The following ZNF875 variants were observed in gnomAD, a reference collection of about 807,000 sequenced individuals.
ZNF875 encodes the protein zinc finger protein 875.
Under a neutral mutation model 11.2 loss-of-function variants are expected in ZNF875, and 14 were observed. That is an observed-to-expected ratio of 1.26 (90% confidence interval 0.83 to 1.96). ZNF875 has a LOEUF of 1.96. ZNF875 is among the 30% of genes most tolerant of loss of function. The pLI, the probability that ZNF875 is intolerant of heterozygous loss-of-function variation, is 0.00. For missense variants in ZNF875, 752 were observed against 760.4 expected (o/e 0.99, Z 0.13); for synonymous variants, 301 against 281.1 (o/e 1.07, Z -0.71).
At chr19:37,329,772 A>T (rs564557416), upstream of ZNF875, among the ~76,000 whole-genome samples, 12 of 152,306 alleles carry the variant, frequency 7.9e-5, no homozygotes, top group South Asian at 2.5e-3. Context: ...TCAGTGGACT[A>T]CAGTGTGGTA....
In ZNF875 at chr19:37,362,281, G is replaced by A; in HGVS notation, c.429G>A (p.Gln143=). 1 of 1,614,140 alleles carries A rather than the reference G, an allele frequency of 6.2e-7. No homozygotes were observed. Among genetic ancestry groups the A allele is most frequent in the African/African-American group, 1.3e-5 (1 of 75,032 alleles). ...KHYPEDQKQQ[Q]DPFCFSGKAE... Reference sequence around the variant, plus strand: ...ATCCAGAAGATCAGAAACAACAGCAGGATCCATTCTGCTTTAGTGGCAAAG... The same window carrying A: ...ATCCAGAAGATCAGAAACAACAGCAAGATCCATTCTGCTTTAGTGGCAAAG... The change falls in exon 5 of 5, where the codon CAG becomes CAA. Residue 143 remains glutamine (Q), a synonymous_variant. Coordinates refer to ENST00000392153, the MANE Select transcript of ZNF875 (RefSeq NM_001353803.2).
intron 4 of ZNF875, among the ~76,000 whole-genome samples, chr19:37,352,874 CTTTTTTTT>C (rs60469285): frequency 5.7e-5 from 5 of 87,766 alleles, no homozygotes; most frequent in Non-Finnish European, 6.9e-5. Flanking sequence ...ATTCTTTTTT[CTTTTTTTT>C]TTTTTTTTTT....
chr19:37,322,640 T>C (rs1203628019), intron 2 of ZNF875, among the ~76,000 whole-genome samples: 1 of 152,220 alleles, frequency 6.6e-6, no homozygotes, highest in African/African-American at 2.4e-5. Context: ...CCAGGGTGGC[T>C]GATTTCCAGG....
intron 4 of ZNF875, among the ~76,000 whole-genome samples, chr19:37,353,207 T>C (rs1276264698): frequency 6.6e-6 from 1 of 152,218 alleles, no homozygotes; most frequent in Non-Finnish European, 1.5e-5. Flanking sequence ...TTCTCTCAGC[T>C]ATCTAGCTAT....
intron 2 of ZNF875, among the ~76,000 whole-genome samples, chr19:37,340,869 C>T (rs573079337): frequency 3.3e-5 from 5 of 151,946 alleles, no homozygotes; most frequent in Non-Finnish European, 4.4e-5. Context: ...AGGATGGTCT[C>T]GATCTCCTGA....
chr19:37,347,412 A>C, intron 3 of ZNF875, 96 bp downstream of exon 3: 3 of 1,213,134 alleles, frequency 2.5e-6, no homozygotes, highest in Non-Finnish European at 3.5e-6. Context: ...TTTCCCTTAG[A>C]GTTGAGCTTG....
At chr19:37,334,529 T>G (rs993456740), upstream of ZNF875, 6 of 363,534 alleles carry the variant, frequency 1.7e-5, no homozygotes, top group Middle Eastern at 6.6e-4. Context: ...AGTCACCCTG[T>G]GTGGTGGGCA....
chr19:37,321,270 G>C (rs1042266193), intron 1 of ZNF875, among the ~76,000 whole-genome samples: 3 of 152,132 alleles, frequency 2.0e-5, no homozygotes, highest in Non-Finnish European at 2.9e-5. Flanking sequence ...TAAGAGGAAG[G>C]CATCTGTCTC....
chr19:37,339,628 G>A (rs1411141287), intron 2 of ZNF875, among the ~76,000 whole-genome samples: 2 of 140,422 alleles, frequency 1.4e-5, no homozygotes, highest in African/African-American at 2.7e-5. Flanking sequence ...TGGTGCAATC[G>A]ATCTCGCCTC....
rs61749080 is a variant in ZNF875, at chr19:37,335,228, G to A, written c.4G>A (p.Ala2Thr). The stretch of plus-strand genomic sequence containing the variant: ...GAGCACTCAGGAGACCAGGAAAATG[G>A]CCACAGGGCTCCTGAGAGCCAAAAA... M[A>T]TGLLRAKKEA... The change falls in exon 2 of 5, where the codon GCC becomes ACC. Residue 2 changes from alanine to threonine, a missense_variant. Transcript: ENST00000392153. 1,539 of 702,342 alleles carry A rather than the reference G, an allele frequency of 2.2e-3. 17 individuals are homozygous for A. The highest frequency in any genetic ancestry group is 0.017 in the African/African-American group (960 of 57,342). The allele number at this position is 702,342 out of a possible 1,614,324, so 43.5% of individuals were successfully genotyped here.
chr19:37,362,754 A>T lies in ZNF875; in HGVS notation c.902A>T (p.Gln301Leu). 1 of 1,613,868 alleles carries T rather than the reference A, an allele frequency of 6.2e-7. No individual in the cohort carries two copies. ...FTWKSNLITH[Q>L]RTHSGEKPYV... is the part of the protein sequence containing the mutation. The stretch of plus-strand genomic sequence containing the variant: ...TGGAAGTCAAACCTGATCACACATC[A>T]GAGGACACACTCAGGGGAGAAACCT... Residue 301 changes from glutamine (Q) to leucine (L), a missense_variant, in exon 5 of 5, where the codon CAG becomes CTG. Transcript: ENST00000392153.
upstream of ZNF875, among the ~76,000 whole-genome samples, chr19:37,331,933 G>C (rs962076874): frequency 6.8e-5 from 9 of 131,598 alleles, no homozygotes; most frequent in African/African-American, 1.9e-4. Context: ...GGAATGTCTC[G>C]GTATAAAACC....
At chr19:37,357,506 T>C (rs1010209856) in intron 4 of ZNF875, among the ~76,000 whole-genome samples, 3 of 152,234 alleles carry the variant, frequency 2.0e-5, no homozygotes, top group African/African-American at 7.2e-5. Context: ...GTGATTTCTT[T>C]CATCAGTGTT....
rs768123644 is a variant in ZNF875, at chr19:37,362,898, T to C, written c.1046T>C (p.Leu349Pro). 6.8e-6 allele frequency: 11 copies of C among 1,613,076 alleles called. No homozygotes were observed. In the Admixed American group the frequency reaches 1.8e-4, roughly 27 times the overall value. Residue 349 changes from leucine (L) to proline (P), a missense_variant, in exon 5 of 5, where the codon CTG (leucine) becomes CCG (proline). Physicochemically the swap from Leu to Pro is moderately conservative, Grantham distance 98. Transcript: ENST00000392153. ...AAGGAATGTGGGCAGAGCTTTAGCC[T>C]GAAGTCAAACCTCATTACCCACCAG... ...VCKECGQSFS[L>P]KSNLITHQRA... is the part of the protein sequence containing the mutation.
At position 37,362,132 on chromosome 19, in the gene ZNF875, A is replaced by C. The variant is rs1211546984; in HGVS notation, c.280A>C (p.Ser94Arg). 1.2e-6 allele frequency: 2 copies of C among 1,612,548 alleles called. No homozygotes were observed. Among genetic ancestry groups the C allele is most frequent in the Admixed American group, 3.4e-5 (2 of 59,688 alleles). ...CPESKPEIQL[S>R]PSCPLIFSSQ... ...AGAATCGAAGCCAGAAATTCAACTT[A>C]GTCCCTCCTGCCCTCTGATTTTCTC... Residue 94 changes from serine (S) to arginine (R), a missense_variant, in exon 5 of 5, where the codon AGT (serine) becomes CGT (arginine). Coordinates refer to ENST00000392153, the MANE Select transcript of ZNF875 (RefSeq NM_001353803.2).
chr19:37,317,875 G>A (rs2030348177), upstream of ZNF875: 1 of 152,928 alleles, frequency 6.5e-6, no homozygotes, highest in Non-Finnish European at 1.5e-5. Context: ...GTTTCCGGAA[G>A]CCCGCCCTCC....
intron 4 of ZNF875, among the ~76,000 whole-genome samples, chr19:37,325,997 C>T (rs1389984934): frequency 1.3e-5 from 2 of 152,138 alleles, no homozygotes; most frequent in African/African-American, 4.8e-5. Flanking sequence ...GCGTGAGCCA[C>T]TGCACTTGGC....
intron 4 of ZNF875, 29 bp from the exon 5 acceptor site, chr19:37,362,080 C>T: frequency 6.5e-7 from 1 of 1,538,152 alleles, no homozygotes. Context: ...CTACCTATGG[C>T]CCCTCTGAAA....
At chr19:37,321,183 C>T (rs1179791910) in intron 1 of ZNF875, among the ~76,000 whole-genome samples, 1 of 152,102 alleles carries the variant, frequency 6.6e-6, no homozygotes, top group African/African-American at 2.4e-5. Flanking sequence ...AAAGACCTGA[C>T]GTTCCCCCAG....
Sources: gnomAD v4.1 joint callset for allele counts (sites outside exome capture counted in the v4.1 genomes callset) on GRCh38, gnomAD v4.1.1 for gene constraint, MANE v1.5 for transcripts, NCBI Gene and HGNC (gene_info 2026-07-23, HGNC 2026-07-21) for gene names.